The following CSMD3 variants were observed in gnomAD, a reference collection of about 807,000 sequenced individuals.
CSMD3 encodes the protein CUB and Sushi multiple domains 3.
A neutral mutation model predicts 435.2 loss-of-function variants in CSMD3; 177 were observed. The ratio of observed to expected loss-of-function variants is 0.41; its 90% CI spans 0.36 to 0.46. The LOEUF is 0.46. Among genes scored for constraint, CSMD3 ranks in the 20% least tolerant of loss-of-function variants. The probability of loss-of-function intolerance (pLI) is 0.34; values close to 1 mark genes in which losing one functional copy is unlikely to be tolerated. For missense variants in CSMD3, 4,265 were observed against 4,504.6 expected (o/e 0.95, Z 1.52); for synonymous variants, 1,656 against 1,520.5 (o/e 1.09, Z -2.07).
At chr8:112,554,479 C>A (rs376508580) in intron 25 of CSMD3, among the ~76,000 whole-genome samples, 21 of 151,718 alleles carry the variant, frequency 1.4e-4, no homozygotes, top group African/African-American at 4.4e-4. Flanking sequence ...CATTTTTCAT[C>A]ATTTATTTAT....
intron 1 of CSMD3, among the ~76,000 whole-genome samples, chr8:113,324,583 G>T (rs758753911): frequency 2.0e-5 from 3 of 152,168 alleles, no homozygotes; most frequent in Non-Finnish European, 4.4e-5. Context: ...TGGCTGCCCA[G>T]CCAGAAGTTT....
chr8:113,339,817 T>C (rs2094105072), intron 1 of CSMD3, among the ~76,000 whole-genome samples: 1 of 152,028 alleles, frequency 6.6e-6, no homozygotes, highest in Non-Finnish European at 1.5e-5. Flanking sequence ...AAAATTACTA[T>C]ATGGTCGTTA....
intron 27 of CSMD3, among the ~76,000 whole-genome samples, chr8:112,535,707 T>A (rs1465734802): frequency 6.6e-6 from 1 of 152,106 alleles, no homozygotes; most frequent in Non-Finnish European, 1.5e-5. Flanking sequence ...AGAGCCCGCA[T>A]CGCCAAGTCG....
intron 24 of CSMD3, 91 bp from the exon 25 acceptor site, chr8:112,557,045 G>T: frequency 1.2e-6 from 1 of 805,222 alleles, no homozygotes. Context: ...TATTTTTGAT[G>T]ATTACATACT....
At chr8:113,396,582 C>CT (rs890681550) in intron 1 of CSMD3, among the ~76,000 whole-genome samples, 5 of 151,920 alleles carry the variant, frequency 3.3e-5, no homozygotes, top group African/African-American at 4.8e-5. Flanking sequence ...GGTAATTTGT[C>CT]TTTTTTTTAC....
At chr8:113,110,979 G>A (rs1217994616) in intron 4 of CSMD3, among the ~76,000 whole-genome samples, 1 of 152,064 alleles carries the variant, frequency 6.6e-6, no homozygotes, top group Non-Finnish European at 1.5e-5. Flanking sequence ...GCTCCTGTGG[G>A]CCTATTTTAT....
In CSMD3 at chr8:113,314,585, T is replaced by C; in HGVS notation, c.387A>G (p.Thr129=). ...LSLYDGHPHP[T]NFRTRLTGFH... ...AACACACTAACCTTGTCCTAAAGTT[T>C]GTAGGATGAGGATGTCCATCATATA... is the stretch of plus-strand genomic sequence containing the variant. The change falls in exon 2 of 71, where the codon ACA becomes ACG. Residue 129 remains threonine, a synonymous_variant. Transcript: ENST00000297405. 1.9e-6 allele frequency: 3 copies of C among 1,596,914 alleles called. No individual in the cohort carries two copies. The highest frequency in any genetic ancestry group is 2.6e-6 in the Non-Finnish European group (3 of 1,164,492).
chr8:112,352,421 G>C lies in CSMD3; in HGVS notation c.6250C>G (p.Leu2084Val), dbSNP rs201408699. Residue 2084 changes from leucine (L) to valine (V), a missense_variant, in exon 39 of 71, where the codon CTT (leucine) becomes GTT (valine). By Grantham distance (32) the Leu-to-Val change is conservative (BLOSUM62 1). Around this residue, in one of 3 missense-constraint regions of CSMD3, gnomAD observed 3,255 missense variants for 3,380.2 expected, o/e 0.96. Coordinates refer to ENST00000297405, the MANE Select transcript of CSMD3 (RefSeq NM_198123.2). ...VSFQCDQGYS[L>V]QGHSHITCMP... ...CAACTTTAAAATAGACTTACCTGAA[G>C]AGAATATCCTTGATCACACTGAAAG... 6.2e-7 allele frequency: 1 copy of C among 1,613,268 alleles called. No homozygotes were observed. Among genetic ancestry groups the C allele is most frequent in the East Asian group, 2.2e-5 (1 of 44,734 alleles).
chr8:113,103,037 G>C (rs866359516), intron 4 of CSMD3, among the ~76,000 whole-genome samples: 4 of 152,030 alleles, frequency 2.6e-5, no homozygotes, highest in Non-Finnish European at 5.9e-5. Context: ...AAAACATCTC[G>C]TTTTGACTAT....
At chr8:113,272,086 C>T (rs968100693) in intron 3 of CSMD3, among the ~76,000 whole-genome samples, 1 of 152,174 alleles carries the variant, frequency 6.6e-6, no homozygotes, top group Non-Finnish European at 1.5e-5. Flanking sequence ...CCTGTACCCC[C>T]ATTGTATCTA....
chr8:112,982,165 T>C (rs2085076337), intron 6 of CSMD3, among the ~76,000 whole-genome samples: 2 of 151,912 alleles, frequency 1.3e-5, no homozygotes, highest in Non-Finnish European at 2.9e-5. Flanking sequence ...CTCCGATGTG[T>C]AGAGGTGCAT....
At chr8:113,424,227 C>T (rs1320766889) in intron 1 of CSMD3, among the ~76,000 whole-genome samples, 2 of 151,610 alleles carry the variant, frequency 1.3e-5, no homozygotes, top group African/African-American at 4.8e-5. Flanking sequence ...AAGGATAGAT[C>T]ATTCTACCAA....
chr8:113,405,926 G>C (rs2094530739), intron 1 of CSMD3, among the ~76,000 whole-genome samples: 2 of 151,764 alleles, frequency 1.3e-5, no homozygotes, highest in South Asian at 2.1e-4. Context: ...GGATTATTTA[G>C]AGGATATCAA....
At chr8:113,298,499 CTT>C (rs753574342) in intron 2 of CSMD3, among the ~76,000 whole-genome samples, 5 of 152,090 alleles carry the variant, frequency 3.3e-5, no homozygotes, top group Admixed American at 1.3e-4. Flanking sequence ...TCCTTTTAAA[CTT>C]AAAATCAGCA....
intron 3 of CSMD3, among the ~76,000 whole-genome samples, chr8:113,211,131 G>A (rs907473232): frequency 9.9e-5 from 15 of 151,994 alleles, no homozygotes; most frequent in Non-Finnish European, 1.6e-4. Context: ...TGACTCAGGC[G>A]TCATGACAAA....
At position 112,263,731 on chromosome 8, in the gene CSMD3, T is replaced by C. The variant is rs1816664198; in HGVS notation, c.9770A>G (p.Tyr3257Cys). ...TAGCTCATAGCCTGGAGAACAGATG[T>C]AGCTAATACTAAAGCCCCAGTCGAA... ...TNFDWGFSISYICSPGYELSF... is the reference protein window; with the variant it reads ...TNFDWGFSISCICSPGYELSF... Residue 3257 changes from tyrosine to cysteine, a missense_variant, in exon 61 of 71, where the codon TAC becomes TGC. Physicochemically the swap from Tyr to Cys is radical, Grantham distance 194. Transcript: ENST00000297405. 1 of 1,613,762 alleles carries C rather than the reference T, an allele frequency of 6.2e-7. No homozygotes were observed. Among genetic ancestry groups the C allele is most frequent in the Non-Finnish European group, 8.5e-7 (1 of 1,179,716 alleles).
At chr8:112,775,004 G>A (rs1224221384) in intron 13 of CSMD3, among the ~76,000 whole-genome samples, 3 of 151,806 alleles carry the variant, frequency 2.0e-5, no homozygotes, top group South Asian at 2.1e-4. Context: ...GGCCTTTGGA[G>A]CCAGGCTTTC....
intron 32 of CSMD3, among the ~76,000 whole-genome samples, chr8:112,424,347 T>A (rs1056680369): frequency 2.6e-5 from 4 of 152,166 alleles, no homozygotes; most frequent in Non-Finnish European, 4.4e-5. Flanking sequence ...TATTTAAAAA[T>A]TAATTTTAAA....
chr8:112,823,231 G>A lies in CSMD3; in HGVS notation c.1859+6455C>T, dbSNP rs114665697. 5.1e-3 allele frequency among the ~76,000 whole-genome samples: 783 copies of A among 152,206 alleles called. 8 individuals are homozygous for A. The highest frequency in any genetic ancestry group is 0.017 in the African/African-American group (701 of 41,542). ...ATGGTACCAGCTCCTCTTTGTACCT[G>A]TGGAAGAATTTGGCTGTGAATCCAT... On this transcript the variant is annotated intron_variant, in intron 12 of 70. Coordinates refer to ENST00000297405, the MANE Select transcript of CSMD3 (RefSeq NM_198123.2).
Sources: allele counts gnomAD v4.1 joint callset (sites outside exome capture counted in the v4.1 genomes callset), GRCh38; gene constraint gnomAD v4.1.1; regional missense constraint gnomAD v4.1.1; transcripts MANE v1.5; gene names NCBI Gene and HGNC (gene_info 2026-07-23, HGNC 2026-07-21).